Variants in SCAI observed in about 807,000 individuals in gnomAD.
SCAI encodes suppressor of cancer cell invasion.
Under a neutral mutation model 92.2 loss-of-function variants are expected in SCAI, and 24 were observed. The ratio of observed to expected loss-of-function variants is 0.26; its 90% CI spans 0.19 to 0.37. The LOEUF is 0.37. Among genes scored for constraint, SCAI ranks in the 10% least tolerant of loss-of-function variants. The pLI is 1.00. For missense variants in SCAI, 450 were observed against 736.2 expected (o/e 0.61, Z 4.50); for synonymous variants, 261 against 258.6 (o/e 1.01, Z -0.09).
intron 12 of SCAI, among the ~76,000 whole-genome samples, chr9:125,001,506 C>A (rs1832361212): frequency 6.6e-6 from 1 of 152,154 alleles, no homozygotes; most frequent in Non-Finnish European, 1.5e-5. Context: ...AGGGCTTGAA[C>A]TTTCACAGTT....
At chr9:124,968,286 G>A (rs549806482) in intron 17 of SCAI, 26 of 1,158,228 alleles carry the variant, frequency 2.2e-5, no homozygotes, top group Non-Finnish European at 3.2e-5. Flanking sequence ...TTAAAACCGG[G>A]CTGGGCATCA....
chr9:124,966,773 T>C (rs1215333688), intron 17 of SCAI, among the ~76,000 whole-genome samples: 1 of 151,694 alleles, frequency 6.6e-6, no homozygotes, highest in Non-Finnish European at 1.5e-5. Flanking sequence ...TACTGTTTCA[T>C]TATTAAGAGT....
At chr9:125,093,913 A>T (rs1834494528) in intron 2 of SCAI, among the ~76,000 whole-genome samples, 1 of 152,030 alleles carries the variant, frequency 6.6e-6, no homozygotes, top group African/African-American at 2.4e-5. Context: ...CCTGAATTCC[A>T]GTCTCCACTT....
At chr9:125,023,828 T>C (rs1832914908) in intron 6 of SCAI, among the ~76,000 whole-genome samples, 1 of 152,126 alleles carries the variant, frequency 6.6e-6, no homozygotes, top group African/African-American at 2.4e-5. Flanking sequence ...TGTGATGAAC[T>C]GCAGCAAAGC....
intron 3 of SCAI, among the ~76,000 whole-genome samples, chr9:125,032,139 A>G (rs1189803729): frequency 1.3e-5 from 2 of 149,452 alleles, no homozygotes; most frequent in East Asian, 3.9e-4. Context: ...TTTAGAACAG[A>G]GAAAACACTC....
At chr9:124,961,688 C>T (rs140481900) in intron 17 of SCAI, among the ~76,000 whole-genome samples, 2 of 150,134 alleles carry the variant, frequency 1.3e-5, no homozygotes, top group Non-Finnish European at 3.0e-5. Context: ...AATGGTAAGA[C>T]GAATCCATAA....
intron 14 of SCAI, among the ~76,000 whole-genome samples, chr9:124,983,741 CAGA>C (rs1831934042): frequency 6.6e-6 from 1 of 152,220 alleles, no homozygotes; most frequent in Non-Finnish European, 1.5e-5. Context: ...TATAATATCA[CAGA>C]AGGTGACAAG....
At chr9:125,046,981 GA>G (rs1833456234) in intron 3 of SCAI, among the ~76,000 whole-genome samples, 1 of 152,002 alleles carries the variant, frequency 6.6e-6, no homozygotes, top group Non-Finnish European at 1.5e-5. Context: ...GCATAGTATT[GA>G]ATCTATTCAG....
chr9:125,142,435 T>C (rs1006297702), intron 2 of SCAI, 198 bp downstream of exon 2: 8 of 463,292 alleles, frequency 1.7e-5, no homozygotes, highest in African/African-American at 4.1e-5. Flanking sequence ...TTATCTTAGA[T>C]ACCAAGAAAA....
intron 9 of SCAI, among the ~76,000 whole-genome samples, chr9:125,006,490 A>C (rs920392553): frequency 5.4e-5 from 8 of 149,508 alleles, no homozygotes; most frequent in African/African-American, 2.1e-4. Context: ...ACATTCATTC[A>C]TTCATTCATT....
intron 14 of SCAI, among the ~76,000 whole-genome samples, chr9:124,985,570 T>C (rs545223551): frequency 7.2e-5 from 11 of 152,266 alleles, no homozygotes; most frequent in African/African-American, 1.9e-4. Flanking sequence ...AGATTTCATA[T>C]AGAAAATCCA....
At chr9:125,126,605 A>G (rs1333200241) in intron 2 of SCAI, among the ~76,000 whole-genome samples, 1 of 151,380 alleles carries the variant, frequency 6.6e-6, no homozygotes, top group East Asian at 1.9e-4. Flanking sequence ...AGAGAGAGAG[A>G]ACACACATGC....
chr9:125,035,174 G>A (rs1648110568), intron 3 of SCAI, among the ~76,000 whole-genome samples: 1 of 152,006 alleles, frequency 6.6e-6, no homozygotes, highest in South Asian at 2.1e-4. Context: ...GGGCAACAAA[G>A]TGAGATCCCT....
chr9:124,976,300 A>G, intron 14 of SCAI, 114 bp from the exon 15 acceptor site: 1 of 692,988 alleles, frequency 1.4e-6, no homozygotes, highest in Non-Finnish European at 2.5e-6. Context: ...ACTCATAAAT[A>G]GATGCAGAAA....
chr9:125,085,735 C>T (rs1195003541), intron 2 of SCAI, among the ~76,000 whole-genome samples: 2 of 152,110 alleles, frequency 1.3e-5, no homozygotes, highest in Non-Finnish European at 1.5e-5. Flanking sequence ...GAGCCGTGAT[C>T]GCACCTGGGC....
chr9:125,029,361 A>G lies in SCAI; in HGVS notation c.326+283T>C, dbSNP rs554760845. Among the ~76,000 whole-genome samples, 224 of 152,190 alleles carry G rather than the reference A, an allele frequency of 1.5e-3. 1 individual carries two copies. The Middle Eastern group carries it at 0.017, about 12-fold the overall frequency. The stretch of plus-strand genomic sequence containing the variant: ...GGTCTCAAACTCCTGAGCTCAAGCA[A>G]TCCTCCCACCTTGGCCTCCCAAAGT... On this transcript the variant is annotated intron_variant, in intron 4 of 17. Coordinates refer to ENST00000336505, the MANE Select transcript of SCAI (RefSeq NM_001144877.3).
At chr9:125,074,288 G>A (rs999412784) in intron 2 of SCAI, among the ~76,000 whole-genome samples, 5 of 145,466 alleles carry the variant, frequency 3.4e-5, no homozygotes, top group Admixed American at 1.4e-4. Context: ...ATAGAGTCTC[G>A]CTCTGTCACT....
rs1376018490 is a variant in SCAI at position 125,055,996 on chromosome 9, G to A, written c.110C>T (p.Ala37Val). ...PRKRRSRTEF[A>V]LKEIMSSGGA... Reference sequence around the variant, plus strand: ...TCCAGAGGACATGATTTCTTTAAGAGCAAATTCAGTCCTGTAAGAAAACAT... The same window carrying A: ...TCCAGAGGACATGATTTCTTTAAGAACAAATTCAGTCCTGTAAGAAAACAT... The change falls in exon 3 of 18, where the codon GCT becomes GTT. Residue 37 changes from alanine to valine, a missense_variant. Physicochemically the swap from Ala to Val is moderately conservative, Grantham distance 64. Transcript: ENST00000336505. 4 of 1,607,018 alleles carry A rather than the reference G, an allele frequency of 2.5e-6. No individual in the cohort carries two copies. The highest frequency in any genetic ancestry group is 2.6e-6 in the Non-Finnish European group (3 of 1,176,188).
At chr9:125,025,307 C>A (rs996000392) in intron 6 of SCAI, among the ~76,000 whole-genome samples, 1 of 152,154 alleles carries the variant, frequency 6.6e-6, no homozygotes, top group Admixed American at 6.6e-5. Context: ...ATGCTCTGAT[C>A]TAGAAAACTG....
Sources: gnomAD v4.1 joint callset for allele counts (sites outside exome capture counted in the v4.1 genomes callset) on GRCh38, gnomAD v4.1.1 for gene constraint, MANE v1.5 for transcripts, NCBI Gene and HGNC (gene_info 2026-07-23, HGNC 2026-07-21) for gene names.